Variants in SEPTIN9 observed in about 807,000 individuals in gnomAD.
The protein encoded by SEPTIN9 is septin 9, also known as septin-9.
In SEPTIN9, 13 loss-of-function variants were observed where a neutral mutation model predicts 56.6. The ratio of observed to expected loss-of-function variants is 0.23; its 90% CI spans 0.15 to 0.37. The LOEUF is 0.37. SEPTIN9 is among the 10% of genes least tolerant of loss of function. The pLI is 1.00. For missense variants in SEPTIN9, 650 were observed against 823.1 expected (o/e 0.79, Z 2.57); for synonymous variants, 332 against 334.1 (o/e 0.99, Z 0.07).
chr17:77,358,392 G>A (rs1417354848), intron 2 of SEPTIN9, among the ~76,000 whole-genome samples: 6 of 152,148 alleles, frequency 3.9e-5, no homozygotes, highest in Non-Finnish European at 7.4e-5. Context: ...AGACCAAGGC[G>A]GGTGGATCAC....
intron 2 of SEPTIN9, among the ~76,000 whole-genome samples, chr17:77,399,287 G>A (rs2035827042): frequency 6.6e-6 from 1 of 152,236 alleles, no homozygotes; most frequent in Non-Finnish European, 1.5e-5. Context: ...GGATCTCCCA[G>A]GGAAGGTCAT....
At chr17:77,479,323 T>TG (rs2039352148) in intron 3 of SEPTIN9, among the ~76,000 whole-genome samples, 1 of 152,196 alleles carries the variant, frequency 6.6e-6, no homozygotes. Context: ...AAAGTGTCTC[T>TG]GGGTATGGGG....
Position 77,402,056 on chromosome 17 carries a change from C to T in SEPTIN9, c.77-3C>T. 1.9e-6 allele frequency: 3 copies of T among 1,607,780 alleles called. No individual in the cohort carries two copies. The highest frequency in any genetic ancestry group is 2.6e-6 in the Non-Finnish European group (3 of 1,175,612). ...AATTGCATCCCCTCTCTTTATTTTT[C>T]AGCCTTGAAAAGATCTTTTGAGGTC... is the stretch of plus-strand genomic sequence containing the variant. On this transcript the variant is annotated splice_polypyrimidine_tract_variant and splice_region_variant and intron_variant, in intron 2 of 11. Coordinates refer to ENST00000427177, the MANE Select transcript of SEPTIN9 (RefSeq NM_001113491.2). This position sits in a 1 kb window ranked among gnomAD's most constrained non-coding sequence, Gnocchi z 6.6.
At position 77,489,204 on chromosome 17, in the gene SEPTIN9, C is replaced by T. The variant is rs562156488; in HGVS notation, c.1262+340C>T. On this transcript the variant is annotated intron_variant, in intron 7 of 11. Transcript: ENST00000427177. Reference sequence around the variant, plus strand: ...GAGTGGGAGCCCCCAGCCAAGCACCCGTAGCGGTGACTGACCTTCTCATCC... The same window carrying T: ...GAGTGGGAGCCCCCAGCCAAGCACCTGTAGCGGTGACTGACCTTCTCATCC... 9.2e-5 allele frequency among the ~76,000 whole-genome samples: 14 copies of T among 152,292 alleles called. No homozygotes were observed. The South Asian group carries it at 1.2e-3, about 14-fold the overall frequency.
chr17:77,400,112 G>A lies in SEPTIN9; in HGVS notation c.77-1947G>A, dbSNP rs1382759417. On this transcript the variant is annotated intron_variant, in intron 2 of 11. Coordinates refer to ENST00000427177, the MANE Select transcript of SEPTIN9 (RefSeq NM_001113491.2). This position sits in a 1 kb window ranked among gnomAD's most constrained non-coding sequence, Gnocchi z 4.1. ...CTGCCTCAGCCTCCTGAGTAGCTGG[G>A]ACTATAGGCGAGTGTCACCATGCCC... Among the ~76,000 whole-genome samples, 1 of 152,180 alleles carries A rather than the reference G, an allele frequency of 6.6e-6. No homozygotes were observed. The highest frequency in any genetic ancestry group is 1.9e-4 in the East Asian group (1 of 5,196).
intron 2 of SEPTIN9, among the ~76,000 whole-genome samples, chr17:77,360,576 T>TC (rs35940725): frequency 0.21 from 32,459 of 151,962 alleles, 3,877 homozygotes; most frequent in South Asian, 0.34. Flanking sequence ...TGTTTCTTTT[T>TC]TTTTTTGAGA....
chr17:77,307,974 T>C (rs538444308), intron 2 of SEPTIN9, among the ~76,000 whole-genome samples: 56 of 152,348 alleles, frequency 3.7e-4, no homozygotes, highest in Middle Eastern at 3.4e-3. Context: ...GTGGCCATGC[T>C]AGTGCCTCTG....
At chr17:77,344,245 G>A (rs2033821053) in intron 2 of SEPTIN9, among the ~76,000 whole-genome samples, 1 of 151,990 alleles carries the variant, frequency 6.6e-6, no homozygotes, top group South Asian at 2.1e-4. Flanking sequence ...TGGCCAAGAA[G>A]CACAGGAAGA....
chr17:77,428,534 C>T (rs1039415176), intron 3 of SEPTIN9, among the ~76,000 whole-genome samples: 7 of 152,356 alleles, frequency 4.6e-5, no homozygotes, highest in East Asian at 3.9e-4. Flanking sequence ...CAAAGCTGGT[C>T]GTGTCACAGG....
rs1391693721 is a variant in SEPTIN9 at position 77,419,302 on chromosome 17, G to A, written c.721+16599G>A. 5.3e-5 allele frequency among the ~76,000 whole-genome samples: 8 copies of A among 152,274 alleles called. No homozygotes were observed. In the East Asian group the frequency reaches 9.7e-4, roughly 18 times the overall value. On this transcript the variant is annotated intron_variant, in intron 3 of 11. Coordinates refer to ENST00000427177, the MANE Select transcript of SEPTIN9 (RefSeq NM_001113491.2). ...GCACGAGTTGGGAGCTGAGGGAGGC[G>A]CTTTCAGGACCGGAGTGGCAACCCA...
rs75514070 is a variant in SEPTIN9, at chr17:77,350,990, C to T, written c.76+43793C>T. Among the ~76,000 whole-genome samples the T allele has an allele frequency of 6.0e-3, 864 of 144,488 alleles. 13 individuals are homozygous for T. The highest frequency in any genetic ancestry group is 0.02 in the African/African-American group (833 of 40,710). The allele number at this position is 144,488 out of a possible 152,430, so 94.8% of individuals were successfully genotyped here. ...TGCTGTGTGCCCCCATGTGTGTGCACGTGTGGACCTGTGTGGTGTGTGCCT... is the reference window on the plus strand; with the variant it reads ...TGCTGTGTGCCCCCATGTGTGTGCATGTGTGGACCTGTGTGGTGTGTGCCT... On this transcript the variant is annotated intron_variant, in intron 2 of 11. Transcript: ENST00000427177.
At chr17:77,461,612 G>C (rs564728207) in intron 3 of SEPTIN9, among the ~76,000 whole-genome samples, 10 of 152,366 alleles carry the variant, frequency 6.6e-5, no homozygotes, top group African/African-American at 2.4e-4. Context: ...TTCACATACT[G>C]TGACGTTGAC....
chr17:77,364,978 C>T (rs1489876868), intron 2 of SEPTIN9, among the ~76,000 whole-genome samples: 1 of 152,248 alleles, frequency 6.6e-6, no homozygotes, highest in Non-Finnish European at 1.5e-5. Context: ...AGTTTTGTTT[C>T]TTCTTCCACA....
intron 8 of SEPTIN9, among the ~76,000 whole-genome samples, chr17:77,491,063 C>T (rs953802497): frequency 6.6e-6 from 1 of 152,318 alleles, no homozygotes; most frequent in Non-Finnish European, 1.5e-5. Context: ...CCAGCTCCCC[C>T]ATATCTCAAA....
At chr17:77,486,141 G>T (rs1277048595) in intron 4 of SEPTIN9, among the ~76,000 whole-genome samples, 1 of 149,896 alleles carries the variant, frequency 6.7e-6, no homozygotes, top group East Asian at 2.0e-4. Context: ...AAAAGACAGG[G>T]TCTCTGTCAC....
intron 1 of SEPTIN9, among the ~76,000 whole-genome samples, chr17:77,282,441 A>G (rs7405591): frequency 0.35 from 53,666 of 152,026 alleles, 10,753 homozygotes; most frequent in African/African-American, 0.55. Context: ...TAATTCATTC[A>G]GATAGAAAGG....
chr17:77,290,179 G>A (rs538394429), intron 1 of SEPTIN9, among the ~76,000 whole-genome samples: 2 of 152,196 alleles, frequency 1.3e-5, no homozygotes, highest in African/African-American at 4.8e-5. Flanking sequence ...AGATGTTACA[G>A]TAGCCATGCT....
intron 7 of SEPTIN9, among the ~76,000 whole-genome samples, chr17:77,490,222 G>T (rs182216729): frequency 6.6e-6 from 1 of 152,326 alleles, no homozygotes; most frequent in East Asian, 1.9e-4. Context: ...TGGTGCCCCA[G>T]TTCCAGGGCC....
At chr17:77,309,954 A>G (rs73367420) in intron 2 of SEPTIN9, among the ~76,000 whole-genome samples, 11,064 of 150,390 alleles carry the variant, frequency 0.074, 608 homozygotes, top group African/African-American at 0.15. Flanking sequence ...TGTGCTGGGC[A>G]GTGGTGTGTC....
Sources: gnomAD v4.1 joint callset for allele counts (sites outside exome capture counted in the v4.1 genomes callset) on GRCh38, gnomAD v4.1.1 for gene constraint, Gnocchi (gnomAD v3.1) non-coding constraint, MANE v1.5 for transcripts, NCBI Gene and HGNC (gene_info 2026-07-23, HGNC 2026-07-21) for gene names.